MAPKAP1: variants seen among roughly 807,000 people sequenced by gnomAD.
MAPKAP1 encodes the protein target of rapamycin complex 2 subunit MAPKAP1.
MAPKAP1 carries 20 observed loss-of-function variants against 65.7 expected under a neutral mutation model. That is an observed-to-expected ratio of 0.30 (90% CI 0.21 to 0.44). The LOEUF (loss-of-function observed/expected upper bound fraction) is 0.44, where lower values mean the gene tolerates loss of function less well. Ranked by LOEUF, MAPKAP1 falls within the 20% of genes least tolerant of loss-of-function variation. The probability of loss-of-function intolerance (pLI) is 1.00; values close to 1 mark genes in which losing one functional copy is unlikely to be tolerated. For synonymous variants in MAPKAP1, 222 were observed against 244.3 expected, an observed-to-expected ratio of 0.91 and a Z score of 0.85; for missense variants, 423 against 648.0, an observed-to-expected ratio of 0.65 and a Z score of 3.77.
At chr9:125,669,530 A>T (rs961253953) in intron 3 of MAPKAP1, among the ~76,000 whole-genome samples, 5 of 152,180 alleles carry the variant, frequency 3.3e-5, no homozygotes, top group Non-Finnish European at 4.4e-5. Flanking sequence ...TCCTTGGCCT[A>T]TATTTTTTTA....
intron 2 of MAPKAP1, 107 bp from the exon 3 acceptor site, chr9:125,670,014 T>C (rs1470312524): frequency 3.3e-6 from 2 of 611,148 alleles, no homozygotes; most frequent in African/African-American, 1.9e-5. Flanking sequence ...ATTGCATATG[T>C]AGAGAAAAAG....
chr9:125,669,340 T>G (rs1487577897), intron 3 of MAPKAP1, among the ~76,000 whole-genome samples: 1 of 151,198 alleles, frequency 6.6e-6, no homozygotes, highest in African/African-American at 2.4e-5. Flanking sequence ...ATTAGCCAGG[T>G]GTGGTGGCAT....
rs1019782622 is a variant in MAPKAP1, at chr9:125,438,176, C to T, written c.*711G>A. The T allele has an allele frequency of 1.0e-5, 4 of 393,234 alleles. No individual in the cohort carries two copies. The highest frequency in any genetic ancestry group is 1.4e-4 in the South Asian group (1 of 7,004). 24.4% of individuals were successfully genotyped at this position (393,234 alleles called of 1,614,324 possible). A position where few individuals can be genotyped will look rare whatever the true frequency, so the allele number is the denominator to read the frequency against. On this transcript the variant is annotated 3_prime_UTR_variant, in exon 12 of 12. Coordinates refer to ENST00000265960, the MANE Select transcript of MAPKAP1 (RefSeq NM_001006617.3). ...TCCTCCTGGCACCCCACACTGTCCA[C>T]GCAGCTCCTGGGCTCTGAGGTCAGA...
chr9:125,445,613 A>G (rs1174627256), intron 10 of MAPKAP1, among the ~76,000 whole-genome samples: 6 of 152,246 alleles, frequency 3.9e-5, no homozygotes, highest in African/African-American at 1.2e-4. Context: ...CTGTCCTTTT[A>G]TGTCCAGACA....
In MAPKAP1 at chr9:125,596,028, C is replaced by A. The variant is rs552051788; in HGVS notation, c.499-10301G>T. ...AGAAGACACTGAAGAACATCACCTGCGAGATTATTTTGAACAGCGTGGAAA... is the reference window on the plus strand; with the variant it reads ...AGAAGACACTGAAGAACATCACCTGAGAGATTATTTTGAACAGCGTGGAAA... On this transcript the variant is annotated intron_variant, in intron 4 of 11. Coordinates refer to ENST00000265960, the MANE Select transcript of MAPKAP1 (RefSeq NM_001006617.3). The A allele has an allele frequency of 8.1e-6, 12 of 1,477,402 alleles. 1 individual carries two copies. The highest frequency in any genetic ancestry group is 4.5e-5 in the South Asian group (4 of 88,602). The allele number at this position is 1,477,402 out of a possible 1,614,324, so 91.5% of individuals were successfully genotyped here.
chr9:125,695,550 T>C (rs920439605), intron 1 of MAPKAP1, among the ~76,000 whole-genome samples: 2 of 152,218 alleles, frequency 1.3e-5, no homozygotes, highest in Non-Finnish European at 2.9e-5. Context: ...AGAAACATCT[T>C]GCCTGATATT....
chr9:125,453,342 A>G (rs1359966632), intron 10 of MAPKAP1, among the ~76,000 whole-genome samples: 1 of 152,266 alleles, frequency 6.6e-6, no homozygotes, highest in East Asian at 1.9e-4. Flanking sequence ...TTGGGATTAC[A>G]GGCGTGAGCC....
chr9:125,562,266 G>T (rs879328140), intron 5 of MAPKAP1, among the ~76,000 whole-genome samples: 5 of 152,302 alleles, frequency 3.3e-5, no homozygotes, highest in Middle Eastern at 3.4e-3. Context: ...GATGCAAAAG[G>T]TTCACTGCCA....
At chr9:125,478,305 T>C (rs1478030369) in intron 9 of MAPKAP1, 1 of 152,088 alleles carries the variant, frequency 6.6e-6, no homozygotes, top group African/African-American at 2.4e-5. Flanking sequence ...ATCACTTCCG[T>C]TGTGCAGTTG....
chr9:125,700,716 CCTTT>C (rs1199001221), intron 1 of MAPKAP1, among the ~76,000 whole-genome samples: 1 of 152,140 alleles, frequency 6.6e-6, no homozygotes, highest in African/African-American at 2.4e-5. Flanking sequence ...GGATTTATTC[CCTTT>C]ATTTTTATAT....
chr9:125,628,286 G>C (rs959190149), intron 4 of MAPKAP1, among the ~76,000 whole-genome samples: 10 of 152,058 alleles, frequency 6.6e-5, no homozygotes, highest in African/African-American at 2.4e-4. Context: ...AAATGGAATG[G>C]GCAAGATGGA....
chr9:125,571,321 AC>A (rs1453403454), intron 5 of MAPKAP1, among the ~76,000 whole-genome samples: 1 of 152,196 alleles, frequency 6.6e-6, no homozygotes, highest in Non-Finnish European at 1.5e-5. Flanking sequence ...TCATCTACAG[AC>A]CATTGTTGTC....
chr9:125,449,891 A>C (rs1050340629), intron 10 of MAPKAP1, among the ~76,000 whole-genome samples: 1 of 152,088 alleles, frequency 6.6e-6, no homozygotes, highest in Admixed American at 6.5e-5. Context: ...CTGCAAATCA[A>C]CTGAAAGAAG....
At chr9:125,515,405 T>C (rs577084417) in intron 7 of MAPKAP1, among the ~76,000 whole-genome samples, 13 of 152,336 alleles carry the variant, frequency 8.5e-5, no homozygotes, top group Non-Finnish European at 1.0e-4. Flanking sequence ...TTATCTTGGC[T>C]TGATGTCAGG....
In MAPKAP1 at chr9:125,537,192, C is replaced by T. The variant is rs867216467; in HGVS notation, c.958+5867G>A. Among the ~76,000 whole-genome samples the T allele has an allele frequency of 3.3e-5, 5 of 152,322 alleles. No individual in the cohort carries two copies. The Middle Eastern group carries it at 0.014, about 414-fold the overall frequency. On this transcript the variant is annotated intron_variant, in intron 7 of 11. Coordinates refer to ENST00000265960, the MANE Select transcript of MAPKAP1 (RefSeq NM_001006617.3). The stretch of plus-strand genomic sequence containing the variant: ...TTTACTTACTAAGGAAACTTGGGTA[C>T]ATTTAACCTCTTAGAGCTGAGGAAA...
intron 2 of MAPKAP1, among the ~76,000 whole-genome samples, chr9:125,670,241 T>C (rs565580662): frequency 6.6e-6 from 1 of 152,176 alleles, no homozygotes; most frequent in Non-Finnish European, 1.5e-5. Flanking sequence ...GGAATTTTAA[T>C]GCACAAATGA....
intron 7 of MAPKAP1, among the ~76,000 whole-genome samples, chr9:125,515,347 C>T (rs1427124679): frequency 3.9e-5 from 6 of 152,172 alleles, no homozygotes. Context: ...TTTCAGTCAA[C>T]ACTAGAAAAA....
chr9:125,482,821 G>C (rs1392503682), intron 9 of MAPKAP1, among the ~76,000 whole-genome samples: 3 of 152,186 alleles, frequency 2.0e-5, no homozygotes, highest in Non-Finnish European at 4.4e-5. Flanking sequence ...AAGTTACTGA[G>C]TGCTGTCTCA....
At chr9:125,442,022 G>A (rs1020092670) in intron 11 of MAPKAP1, among the ~76,000 whole-genome samples, 14 of 151,280 alleles carry the variant, frequency 9.3e-5, no homozygotes, top group Non-Finnish European at 1.8e-4. Context: ...CCAGCTACTC[G>A]GGAAGCTGAG....
Sources: allele counts gnomAD v4.1 joint callset (sites outside exome capture counted in the v4.1 genomes callset), GRCh38; gene constraint gnomAD v4.1.1; transcripts MANE v1.5; gene names NCBI Gene and HGNC (gene_info 2026-07-23, HGNC 2026-07-21).